ADGRL2: variants seen among roughly 807,000 people sequenced by gnomAD.
ADGRL2 encodes adhesion G protein-coupled receptor L2.
A neutral mutation model predicts 157.4 loss-of-function variants in ADGRL2; 44 were observed. The observed-to-expected ratio is 0.28, with a 90% CI of 0.22 to 0.36. The LOEUF is 0.36. Among genes scored for constraint, ADGRL2 ranks in the 10% least tolerant of loss-of-function variants. ADGRL2 has a pLI of 1.00. For synonymous variants in ADGRL2, 585 were observed against 624.7 expected, an observed-to-expected ratio of 0.94 and a Z score of 0.95; for missense variants, 1,510 against 1,768.9, an observed-to-expected ratio of 0.85 and a Z score of 2.63.
chr1:81,652,571 A>G (rs1478350434), intron 3 of ADGRL2, among the ~76,000 whole-genome samples: 1 of 152,178 alleles, frequency 6.6e-6, no homozygotes, highest in Non-Finnish European at 1.5e-5. Flanking sequence ...TTTATTTTTT[A>G]GTTTAAAAAT....
chr1:81,399,585 A>ATTTT, intron 1 of ADGRL2, among the ~76,000 whole-genome samples: 1 of 151,798 alleles, frequency 6.6e-6, no homozygotes, highest in African/African-American at 2.4e-5. Context: ...TCTCTATTAT[A>ATTTT]TTTTTTATTT....
chr1:81,738,204 G>A (rs1335694491), intron 1 of ADGRL2, among the ~76,000 whole-genome samples: 3 of 152,188 alleles, frequency 2.0e-5, no homozygotes, highest in South Asian at 4.1e-4. Flanking sequence ...TGAGTCTTGT[G>A]CTAAGTGATA....
intron 1 of ADGRL2, among the ~76,000 whole-genome samples, chr1:81,322,369 G>A (rs12075881): frequency 0.24 from 35,779 of 151,620 alleles, 4,565 homozygotes; most frequent in Middle Eastern, 0.37. Flanking sequence ...TACCATATAC[G>A]ATACTTAGGA....
chr1:81,681,170 A>G (rs1370996192), intron 3 of ADGRL2, among the ~76,000 whole-genome samples: 4 of 152,190 alleles, frequency 2.6e-5, no homozygotes, highest in Non-Finnish European at 2.9e-5. Flanking sequence ...TCTGTAAGAG[A>G]AAGGTGGATG....
intron 3 of ADGRL2, among the ~76,000 whole-genome samples, chr1:81,928,347 A>G (rs759278334): frequency 6.6e-6 from 1 of 152,122 alleles, no homozygotes; most frequent in Non-Finnish European, 1.5e-5. Context: ...TGATTGAGGC[A>G]TAATTGGATG....
At chr1:81,571,897 G>A (rs771385665) in intron 2 of ADGRL2, among the ~76,000 whole-genome samples, 3 of 152,096 alleles carry the variant, frequency 2.0e-5, no homozygotes, top group Non-Finnish European at 2.9e-5. Flanking sequence ...GCACCCCCCA[G>A]CCTTTGCTAC....
chr1:81,866,887 T>A (rs1296509802), intron 2 of ADGRL2, among the ~76,000 whole-genome samples: 1 of 152,170 alleles, frequency 6.6e-6, no homozygotes, highest in Non-Finnish European at 1.5e-5. Flanking sequence ...GTGCATAAAA[T>A]AGATACTCTC....
chr1:81,818,987 A>G (rs997866829), intron 1 of ADGRL2, among the ~76,000 whole-genome samples: 9 of 152,146 alleles, frequency 5.9e-5, no homozygotes, highest in Middle Eastern at 3.2e-3. Flanking sequence ...AAAGTAGGAG[A>G]TGAAACGGGT....
intron 3 of ADGRL2, among the ~76,000 whole-genome samples, chr1:81,614,387 A>T (rs2081601552): frequency 6.6e-6 from 1 of 152,200 alleles, no homozygotes; most frequent in Admixed American, 6.5e-5. Flanking sequence ...AACCTAATCA[A>T]TCTCTCCATT....
intron 2 of ADGRL2, among the ~76,000 whole-genome samples, chr1:81,505,422 G>A (rs944335572): frequency 1.3e-5 from 2 of 150,994 alleles, no homozygotes; most frequent in Non-Finnish European, 2.9e-5. Flanking sequence ...CCCAGAGGAT[G>A]CAGGGAAAGC....
Position 81,328,381 on chromosome 1 carries a change from T to C in ADGRL2, c.-302+21872T>C, listed in dbSNP as rs529161121. 2.0e-5 allele frequency among the ~76,000 whole-genome samples: 3 copies of C among 152,192 alleles called. No homozygotes were observed. The East Asian group carries it at 5.8e-4, about 29-fold the overall frequency. The stretch of plus-strand genomic sequence containing the variant: ...AGTAAATCATACAGGAAACATCGAA[T>C]TGTGCTACCCACTAAAAATAAAACC... On this transcript the variant is annotated intron_variant, in intron 1 of 24. Coordinates refer to the ADGRL2 transcript ENST00000370721.
chr1:81,550,128 T>A (rs758752764), intron 2 of ADGRL2, among the ~76,000 whole-genome samples: 13 of 152,144 alleles, frequency 8.5e-5, no homozygotes, highest in Non-Finnish European at 1.5e-4. Context: ...CCAAGGAGTA[T>A]CATAGGGTAG....
chr1:81,536,459 C>T (rs527464360), intron 2 of ADGRL2, among the ~76,000 whole-genome samples: 5 of 152,210 alleles, frequency 3.3e-5, no homozygotes, highest in Non-Finnish European at 5.9e-5. Flanking sequence ...CATTGTACAT[C>T]GATTTTCTCT....
intron 1 of ADGRL2, among the ~76,000 whole-genome samples, chr1:81,421,692 A>T (rs2077127574): frequency 7.1e-6 from 1 of 140,540 alleles, no homozygotes; most frequent in South Asian, 2.4e-4. Context: ...CATCTCAACT[A>T]AATATTCTTT....
intron 3 of ADGRL2, among the ~76,000 whole-genome samples, chr1:81,664,842 G>C (rs1280830857): frequency 3.9e-5 from 6 of 151,998 alleles, no homozygotes; most frequent in Admixed American, 3.9e-4. Flanking sequence ...ATATATATCT[G>C]GGTAGAATTT....
At chr1:81,471,864 A>T (rs1030257535) in intron 2 of ADGRL2, among the ~76,000 whole-genome samples, 5 of 152,202 alleles carry the variant, frequency 3.3e-5, no homozygotes, top group African/African-American at 7.2e-5. Context: ...GAAATAACCT[A>T]GGATGTTTCT....
intron 2 of ADGRL2, among the ~76,000 whole-genome samples, chr1:81,464,130 G>C (rs530395349): frequency 1.3e-5 from 2 of 152,266 alleles, no homozygotes; most frequent in South Asian, 2.1e-4. Context: ...GTCTCAAGTG[G>C]AAACTCCCGT....
intron 1 of ADGRL2, among the ~76,000 whole-genome samples, chr1:81,388,243 G>A (rs4650534): frequency 0.59 from 89,097 of 151,902 alleles, 26,604 homozygotes; most frequent in East Asian, 0.94. Flanking sequence ...CTTTGTGTGT[G>A]TTTTATTCAG....
In ADGRL2 at chr1:81,518,537, C is replaced by T. The variant is rs145966641; in HGVS notation, c.-247-62339C>T. ...GTCTTCTGACTTGATGTTAAGATAG[C>T]GGAAAGAGATGTTCATCCTCAACAT... On this transcript the variant is annotated intron_variant, in intron 2 of 24. Coordinates refer to the ADGRL2 transcript ENST00000370721. Among the ~76,000 whole-genome samples the T allele has an allele frequency of 2.6e-4, 40 of 152,214 alleles. No individual in the cohort carries two copies. The Middle Eastern group carries it at 0.02, about 78-fold the overall frequency.
Sources: allele counts gnomAD v4.1 joint callset (sites outside exome capture counted in the v4.1 genomes callset), GRCh38; gene constraint gnomAD v4.1.1; transcripts MANE v1.5; gene names NCBI Gene and HGNC (gene_info 2026-07-23, HGNC 2026-07-21).